Variants in SAMSN1 observed in about 807,000 individuals in gnomAD.
SAMSN1 encodes SAM domain-containing protein SAMSN-1.
A neutral mutation model predicts 42.0 loss-of-function variants in SAMSN1; 31 were observed. That is an observed-to-expected ratio of 0.74 (90% CI 0.55 to 1.00). The LOEUF (loss-of-function observed/expected upper bound fraction) is 1.00, where lower values mean the gene tolerates loss of function less well. Among genes scored for constraint, SAMSN1 ranks in the 50% least tolerant of loss-of-function variants. SAMSN1 has a pLI of 0.00. For synonymous variants in SAMSN1, 178 were observed against 151.9 expected, an observed-to-expected ratio of 1.17 and a Z score of -1.26; for missense variants, 464 against 439.4, an observed-to-expected ratio of 1.06 and a Z score of -0.50.
chr21:14,614,893 T>C (rs1982797338), intron 3 of SAMSN1, among the ~76,000 whole-genome samples: 1 of 152,192 alleles, frequency 6.6e-6, no homozygotes, highest in Non-Finnish European at 1.5e-5. Context: ...AGGCCCACCT[T>C]AACTGATCTG....
chr21:14,657,063 C>T lies in SAMSN1; in HGVS notation c.24+1685G>A, dbSNP rs139919273. On this transcript the variant is annotated intron_variant, in intron 1 of 15. Coordinates refer to the SAMSN1 transcript ENST00000647101. ...AAGTTCCTGGCAAAAGCTGTACCCCCACCCCTTTTTCAAAGGTTATAACAG... is the reference window on the plus strand; with the variant it reads ...AAGTTCCTGGCAAAAGCTGTACCCCTACCCCTTTTTCAAAGGTTATAACAG... Among the ~76,000 whole-genome samples, 636 of 151,868 alleles carry T rather than the reference C, an allele frequency of 4.2e-3. 17 individuals carry two copies. The South Asian group carries it at 0.059, about 14-fold the overall frequency.
intron 2 of SAMSN1, among the ~76,000 whole-genome samples, chr21:14,553,184 A>G (rs138823873): frequency 2.4e-4 from 37 of 152,070 alleles, no homozygotes; most frequent in African/African-American, 8.7e-4. Flanking sequence ...CAACTACCTT[A>G]TAATTATTTT....
intron 1 of SAMSN1, among the ~76,000 whole-genome samples, chr21:14,540,426 G>A (rs938124942): frequency 2.6e-5 from 4 of 152,054 alleles, no homozygotes; most frequent in Non-Finnish European, 4.4e-5. Flanking sequence ...AATCTACAGT[G>A]AACTCCAACA....
intron 2 of SAMSN1, among the ~76,000 whole-genome samples, chr21:14,517,699 A>T (rs541808146): frequency 1.8e-4 from 28 of 152,326 alleles, no homozygotes; most frequent in African/African-American, 6.5e-4. Flanking sequence ...GGACTGCTTC[A>T]GTCTGTGCTT....
chr21:14,585,003 A>C (rs116910500), upstream of SAMSN1, among the ~76,000 whole-genome samples: 2,282 of 144,696 alleles, frequency 0.016, 27 homozygotes, highest in Non-Finnish European at 0.026. Flanking sequence ...CTTACGTAGG[A>C]AATGTGACGT....
chr21:14,578,765 T>A (rs1981595109), intron 2 of SAMSN1, among the ~76,000 whole-genome samples: 1 of 150,886 alleles, frequency 6.6e-6, no homozygotes, highest in South Asian at 2.1e-4. Flanking sequence ...AGTGTCCTTG[T>A]AGATTAGATT....
At chr21:14,654,257 C>T (rs1285813093) in intron 1 of SAMSN1, among the ~76,000 whole-genome samples, 1 of 151,888 alleles carries the variant, frequency 6.6e-6, no homozygotes, top group Non-Finnish European at 1.5e-5. Context: ...CCTTGTCTAC[C>T]TTTAGAACAT....
At chr21:14,563,889 G>C (rs1343795714) in intron 2 of SAMSN1, among the ~76,000 whole-genome samples, 7 of 152,084 alleles carry the variant, frequency 4.6e-5, no homozygotes, top group African/African-American at 1.7e-4. Context: ...ACCTAAGTAG[G>C]AAAAGACTTA....
upstream of SAMSN1, among the ~76,000 whole-genome samples, chr21:14,587,387 G>A (rs953222640): frequency 6.6e-6 from 1 of 151,850 alleles, no homozygotes; most frequent in Non-Finnish European, 1.5e-5. Flanking sequence ...TTGATATTCA[G>A]CAATGTTGAC....
At chr21:14,545,837 TC>T (rs1464923483) in intron 1 of SAMSN1, among the ~76,000 whole-genome samples, 1 of 152,196 alleles carries the variant, frequency 6.6e-6, no homozygotes, top group Non-Finnish European at 1.5e-5. Flanking sequence ...TAAAATTCAT[TC>T]AGTAGACTGT....
chr21:14,572,069 C>T (rs1370656480), intron 2 of SAMSN1, among the ~76,000 whole-genome samples: 1 of 152,112 alleles, frequency 6.6e-6, no homozygotes, highest in Non-Finnish European at 1.5e-5. Flanking sequence ...ACCATTGTGG[C>T]CACACAGCTC....
intron 4 of SAMSN1, among the ~76,000 whole-genome samples, chr21:14,510,804 C>T (rs112636185): frequency 5.9e-5 from 9 of 152,330 alleles, no homozygotes; most frequent in African/African-American, 1.4e-4. Context: ...CAATTTCCTC[C>T]CCAGAGTTCC....
intron 2 of SAMSN1, among the ~76,000 whole-genome samples, chr21:14,639,738 G>A (rs1036544345): frequency 1.9e-5 from 2 of 105,238 alleles, no homozygotes; most frequent in Non-Finnish European, 4.2e-5. Context: ...TCAGTCCTTA[G>A]GCTAATATGT....
chr21:14,561,408 T>G (rs1480661349), intron 2 of SAMSN1, among the ~76,000 whole-genome samples: 1 of 152,164 alleles, frequency 6.6e-6, no homozygotes, highest in Non-Finnish European at 1.5e-5. Context: ...TGCAATGCCA[T>G]AGTTTCAGTG....
chr21:14,594,476 C>A (rs1349826589), intron 6 of SAMSN1, among the ~76,000 whole-genome samples: 1 of 151,994 alleles, frequency 6.6e-6, no homozygotes, highest in Non-Finnish European at 1.5e-5. Flanking sequence ...CACTCTAATC[C>A]CTTAGTGCTC....
chr21:14,577,283 T>TATATATATA (rs1568816274), intron 2 of SAMSN1, among the ~76,000 whole-genome samples: 1 of 55,468 alleles, frequency 1.8e-5, no homozygotes, highest in Non-Finnish European at 3.5e-5. Context: ...TATATATATA[T>TATATATATA]ATTTTTTTTT....
chr21:14,530,083 A>G (rs1170722342), intron 1 of SAMSN1, among the ~76,000 whole-genome samples: 2 of 152,154 alleles, frequency 1.3e-5, no homozygotes, highest in Non-Finnish European at 2.9e-5. Context: ...TTGGGAGGCC[A>G]AGGCAGGCGG....
chr21:14,514,406 T>A (rs1987816292), intron 3 of SAMSN1, among the ~76,000 whole-genome samples: 1 of 152,196 alleles, frequency 6.6e-6, no homozygotes, highest in African/African-American at 2.4e-5. Context: ...GATTTCCACT[T>A]GTCAGAGATA....
At chr21:14,648,912 A>C (rs1983772022) in intron 1 of SAMSN1, among the ~76,000 whole-genome samples, 1 of 151,790 alleles carries the variant, frequency 6.6e-6, no homozygotes, top group East Asian at 1.9e-4. Flanking sequence ...CAGCCATCCC[A>C]TTACTGGGTA....
Sources: allele counts gnomAD v4.1 joint callset (sites outside exome capture counted in the v4.1 genomes callset), GRCh38; gene constraint gnomAD v4.1.1; transcripts MANE v1.5; gene names NCBI Gene and HGNC (gene_info 2026-07-23, HGNC 2026-07-21).